HDAC1: variants seen among roughly 807,000 people sequenced by gnomAD.
HDAC1 encodes the protein protein deacetylase HDAC1.
Under a neutral mutation model 65.5 loss-of-function variants are expected in HDAC1, and 18 were observed. The ratio of observed to expected loss-of-function variants is 0.27; its 90% CI spans 0.19 to 0.41. The LOEUF (loss-of-function observed/expected upper bound fraction) is 0.41. Among genes scored for constraint, HDAC1 ranks in the 10% least tolerant of loss-of-function variants. The probability of loss-of-function intolerance (pLI) is 1.00; values close to 1 mark genes in which losing one functional copy is unlikely to be tolerated. For missense variants in HDAC1, 373 were observed against 625.2 expected (o/e 0.60, Z 4.30); for synonymous variants, 211 against 227.9 (o/e 0.93, Z 0.67).
chr1:32,325,264 TTGCAA>T (rs1641202174), intron 4 of HDAC1, among the ~76,000 whole-genome samples: 1 of 152,230 alleles, frequency 6.6e-6, no homozygotes, highest in Non-Finnish European at 1.5e-5. Context: ...CCACTTCCAT[TTGCAA>T]CTTTTGGGTT....
At chr1:32,326,188 T>C (rs1641214865) in intron 4 of HDAC1, among the ~76,000 whole-genome samples, 1 of 151,098 alleles carries the variant, frequency 6.6e-6, no homozygotes, top group Non-Finnish European at 1.5e-5. Context: ...TGAAATAGAG[T>C]CTCCCTCCAT....
chr1:32,320,307 A>G (rs1641123233), intron 3 of HDAC1, among the ~76,000 whole-genome samples: 1 of 152,108 alleles, frequency 6.6e-6, no homozygotes, highest in Non-Finnish European at 1.5e-5. Flanking sequence ...GATCGAGTAA[A>G]TCAGGTTTCC....
chr1:32,331,806 A>G lies in HDAC1; in HGVS notation c.1219A>G (p.Ile407Val). ...AGACGACCCTGACAAGCGCATCTCG[A>G]GTGAGACCCAGACCTAGAGCCCTAT... ...DEDDPDKRIS[I>V]CSSDKRIACE... The change falls in exon 11 of 14, where the codon ATC (isoleucine) becomes GTC (valine). Residue 407 changes from isoleucine to valine, a missense_variant and splice_region_variant. By Grantham distance (29) the Ile-to-Val change is conservative (BLOSUM62 3). Transcript: ENST00000373548. This position sits in a 1 kb window ranked among gnomAD's most constrained non-coding sequence, Gnocchi z 4.2. 6.2e-7 allele frequency: 1 copy of G among 1,608,612 alleles called. No individual in the cohort carries two copies.
chr1:32,332,710 A>G lies in HDAC1; in HGVS notation c.1382A>G (p.Glu461Gly). Residue 461 changes from glutamate (E) to glycine (G), a missense_variant, in exon 13 of 14, where the codon GAA (glutamate) becomes GGA (glycine). Glu to Gly is a moderately conservative substitution (Grantham distance 98). This residue lies in a region of HDAC1 where 126 missense variants were observed against 126.2 expected (regional missense o/e 1.00). Coordinates refer to ENST00000373548, the MANE Select transcript of HDAC1 (RefSeq NM_004964.3). ...TACTCTTGTGTTCTAGAAGTCACCGAAGAGGAGAAAACCAAGGAGGAGAAG... is the reference window on the plus strand; with the variant it reads ...TACTCTTGTGTTCTAGAAGTCACCGGAGAGGAGAAAACCAAGGAGGAGAAG... ...KDPEEKKEVTEEEKTKEEKPE... is the reference protein window; with the variant it reads ...KDPEEKKEVTGEEKTKEEKPE... The G allele has an allele frequency of 6.4e-6, 10 of 1,555,218 alleles. No homozygotes were observed. Among genetic ancestry groups the G allele is most frequent in the Non-Finnish European group, 8.7e-6 (10 of 1,148,744 alleles).
chr1:32,292,509 G>C (rs1640711190), intron 1 of HDAC1: 1 of 889,688 alleles, frequency 1.1e-6, no homozygotes, highest in Non-Finnish European at 1.3e-6. Context: ...AGGGGAGGGT[G>C]CGTCGGAGCG....
chr1:32,315,888 C>T (rs1301404295), intron 2 of HDAC1, among the ~76,000 whole-genome samples: 1 of 150,954 alleles, frequency 6.6e-6, no homozygotes, highest in Non-Finnish European at 1.5e-5. Flanking sequence ...TCGCTTGAAC[C>T]CAGGAGGCGA....
intron 2 of HDAC1, among the ~76,000 whole-genome samples, chr1:32,314,270 C>T (rs1393992229): frequency 6.6e-6 from 1 of 152,130 alleles, no homozygotes; most frequent in Non-Finnish European, 1.5e-5. Flanking sequence ...CAGCTCACTG[C>T]AGCCTGGACT....
At chr1:32,303,512 T>C (rs1305152464) in intron 2 of HDAC1, among the ~76,000 whole-genome samples, 1 of 152,036 alleles carries the variant, frequency 6.6e-6, no homozygotes, top group African/African-American at 2.4e-5. Context: ...ATAAGAGTGA[T>C]TGGGACCATG....
intron 3 of HDAC1, among the ~76,000 whole-genome samples, chr1:32,322,805 C>T (rs980777919): frequency 9.2e-5 from 14 of 152,156 alleles, no homozygotes; most frequent in African/African-American, 1.4e-4. Flanking sequence ...AGTCAAGACA[C>T]CGGGACCCTG....
intron 3 of HDAC1, among the ~76,000 whole-genome samples, chr1:32,320,705 G>A (rs1031005024): frequency 2.3e-4 from 35 of 151,632 alleles, no homozygotes; most frequent in Non-Finnish European, 4.6e-4. Context: ...TTTGAGACCA[G>A]CCTGGCCAGC....
At chr1:32,305,486 C>A (rs1640898755) in intron 2 of HDAC1, among the ~76,000 whole-genome samples, 3 of 152,050 alleles carry the variant, frequency 2.0e-5, no homozygotes, top group African/African-American at 7.2e-5. Flanking sequence ...TTGATTTTGT[C>A]AGATTTCAAT....
intron 2 of HDAC1, among the ~76,000 whole-genome samples, chr1:32,311,012 G>A (rs1445417968): frequency 6.6e-6 from 1 of 152,088 alleles, no homozygotes; most frequent in Non-Finnish European, 1.5e-5. Flanking sequence ...AATTAACAAT[G>A]GTTAAGAAGG....
chr1:32,317,717 G>C (rs1471631041), intron 3 of HDAC1, among the ~76,000 whole-genome samples: 3 of 152,104 alleles, frequency 2.0e-5, no homozygotes, highest in Admixed American at 2.0e-4. Context: ...GCCAGCTGCT[G>C]TGAGTGAGGT....
intron 2 of HDAC1, among the ~76,000 whole-genome samples, chr1:32,308,458 A>G (rs904530881): frequency 2.0e-4 from 30 of 152,240 alleles, no homozygotes; most frequent in African/African-American, 7.2e-4. Flanking sequence ...TAGGAGGCCA[A>G]AAATACTCCA....
intron 12 of HDAC1, among the ~76,000 whole-genome samples, 198 bp downstream of exon 12, chr1:32,332,440 A>G (rs1198758740): frequency 6.6e-6 from 1 of 152,164 alleles, no homozygotes; most frequent in Admixed American, 6.5e-5. Flanking sequence ...CGGCTCTCAC[A>G]TACCACCCCA....
chr1:32,329,278 A>G lies in HDAC1; in HGVS notation c.729+118A>G. 1 of 737,434 alleles carries G rather than the reference A, an allele frequency of 1.4e-6. No homozygotes were observed. The highest frequency in any genetic ancestry group is 1.4e-5 in the South Asian group (1 of 70,202). The allele number at this position is 737,434 out of a possible 1,614,324, so 45.7% of individuals were successfully genotyped here. On this transcript the variant is annotated intron_variant, in intron 7 of 13. Transcript: ENST00000373548. The surrounding 1 kb of genome is among the most constrained non-coding windows in gnomAD (Gnocchi z 4.1). ...TCCTTACTAAAGCTGGTGGGGAGAT[A>G]GAAGTGTTTGAACCCTGGATTGCTG...
chr1:32,324,584 A>G, intron 4 of HDAC1, 31 bp downstream of exon 4: 1 of 1,449,442 alleles, frequency 6.9e-7, no homozygotes, highest in African/African-American at 1.4e-5. Flanking sequence ...CCCCAGGGGT[A>G]GACTGGGTTG....
intron 1 of HDAC1, among the ~76,000 whole-genome samples, chr1:32,301,791 G>A (rs1570005661): frequency 6.6e-6 from 1 of 152,254 alleles, no homozygotes; most frequent in Non-Finnish European, 1.5e-5. Flanking sequence ...GTCCTTGAAT[G>A]CCAGTCTTCT....
intron 11 of HDAC1, 72 bp from the exon 12 acceptor site, chr1:32,332,018 G>A: frequency 6.8e-7 from 1 of 1,468,332 alleles, no homozygotes; most frequent in East Asian, 2.4e-5. Context: ...ACGCAGGGAA[G>A]CACTGGGCAT....
Sources: allele counts gnomAD v4.1 joint callset (sites outside exome capture counted in the v4.1 genomes callset), GRCh38; gene constraint gnomAD v4.1.1; regional missense constraint gnomAD v4.1.1; non-coding constraint Gnocchi (gnomAD v3.1); transcripts MANE v1.5; gene names NCBI Gene and HGNC (gene_info 2026-07-23, HGNC 2026-07-21).